Variants in ZC3H12B observed in about 807,000 individuals in gnomAD.
The protein encoded by ZC3H12B is probable ribonuclease ZC3H12B.
A neutral mutation model predicts 43.9 loss-of-function variants in ZC3H12B; 7 were observed. The ratio of observed to expected loss-of-function variants is 0.16; its 90% CI spans 0.09 to 0.30. ZC3H12B has a LOEUF of 0.30. ZC3H12B is among the 10% of genes least tolerant of loss of function. The probability of loss-of-function intolerance (pLI) is 1.00; values close to 1 mark genes in which losing one functional copy is unlikely to be tolerated. For synonymous variants in ZC3H12B, 222 were observed against 241.7 expected (o/e 0.92, Z 0.76); for missense variants, 475 against 670.2 (o/e 0.71, Z 3.22).
At chrX:65,451,741 G>A (rs1438894031) in intron 3 of ZC3H12B, among the ~76,000 whole-genome samples, 1 of 112,004 alleles carries the variant, frequency 8.9e-6, no homozygotes, top group Non-Finnish European at 1.9e-5. Context: ...CCTGGTTAGA[G>A]ATTCTGAGGG....
chrX:65,299,995 C>T, the ZC3H12B span, among the ~76,000 whole-genome samples: 7 of 112,175 alleles, frequency 6.2e-5, 1 homozygote, highest in African/African-American at 1.9e-4. Context: ...CAGGATGAGC[C>T]CTGTGGGCAC....
chrX:65,240,679 C>T, the ZC3H12B span, among the ~76,000 whole-genome samples: 1 of 112,486 alleles, frequency 8.9e-6, no homozygotes, highest in Non-Finnish European at 1.9e-5. Context: ...CATTTTCACA[C>T]TGATTCGTTT....
chrX:65,176,857 G>A, the ZC3H12B span, among the ~76,000 whole-genome samples: 2 of 111,540 alleles, frequency 1.8e-5, no homozygotes, highest in South Asian at 7.5e-4. Flanking sequence ...GGCACAAAGA[G>A]GAGCTGGTAC....
the ZC3H12B span, among the ~76,000 whole-genome samples, chrX:65,229,071 G>A: frequency 2.7e-5 from 3 of 110,098 alleles, no homozygotes; most frequent in South Asian, 3.9e-4. Flanking sequence ...AGCCCACATC[G>A]CCAAGTCAAT....
intron 4 of ZC3H12B, among the ~76,000 whole-genome samples, chrX:65,500,453 A>G (rs2068348979): frequency 8.9e-6 from 1 of 111,930 alleles, no homozygotes; most frequent in East Asian, 2.8e-4. Flanking sequence ...TTTGAGACAA[A>G]GTCTTGCTCT....
chrX:65,096,214 C>T, the ZC3H12B span, among the ~76,000 whole-genome samples: 4 of 48,545 alleles, frequency 8.2e-5, no homozygotes, highest in African/African-American at 3.6e-4. Flanking sequence ...TGGGGCCTGT[C>T]GGGAGATGGG....
chrX:65,088,038 T>C, the ZC3H12B span, among the ~76,000 whole-genome samples: 2 of 111,863 alleles, frequency 1.8e-5, no homozygotes, highest in South Asian at 7.4e-4. Flanking sequence ...TTATGGGTAA[T>C]GTTTAAAAAT....
chrX:65,368,986 G>C lies in ZC3H12B; in HGVS notation n.283G>C, dbSNP rs192106578. Reference sequence around the variant, plus strand: ...TCGATGCCAGACATTGGACATTTTTGAGGTGTTAAGAGGTGGGTACTTTAG... The same window carrying C: ...TCGATGCCAGACATTGGACATTTTTCAGGTGTTAAGAGGTGGGTACTTTAG... On this transcript the variant is annotated non_coding_transcript_exon_variant, in exon 2 of 6. The change abolishes the stop of an existing upstream ORF in the 5' untranslated region. Transcript: ENST00000617377. 1.8e-5 allele frequency: 2 copies of C among 112,008 alleles called. No homozygotes were observed. The highest frequency in any genetic ancestry group is 6.5e-5 in the African/African-American group (2 of 30,906). 9.2% of individuals were successfully genotyped at this position (112,008 alleles called of 1,213,427 possible).
the ZC3H12B span, among the ~76,000 whole-genome samples, chrX:65,161,147 C>A: frequency 2.7e-5 from 3 of 111,107 alleles, no homozygotes; most frequent in African/African-American, 3.3e-5. Flanking sequence ...AATTTCTGTT[C>A]TTTTACATTT....
At chrX:65,367,754 C>A (rs193016895) in intron 1 of ZC3H12B, among the ~76,000 whole-genome samples, 543 of 110,267 alleles carry the variant, frequency 4.9e-3, no homozygotes, top group Non-Finnish European at 7.8e-3. Context: ...CTTGACACAC[C>A]CTTAGGAGGT....
chrX:65,073,978 G>T, the ZC3H12B span, among the ~76,000 whole-genome samples: 1 of 111,871 alleles, frequency 8.9e-6, no homozygotes, highest in East Asian at 2.8e-4. Flanking sequence ...TCCCTCAGTG[G>T]CAGCTGGTTC....
intron 3 of ZC3H12B, among the ~76,000 whole-genome samples, chrX:65,429,781 G>A (rs1954166322): frequency 8.9e-6 from 1 of 112,412 alleles, no homozygotes; most frequent in African/African-American, 3.2e-5. Flanking sequence ...GAATGGATCA[G>A]GTCCTGCTTA....
the ZC3H12B span, among the ~76,000 whole-genome samples, chrX:65,116,184 C>T: frequency 9.0e-6 from 1 of 111,520 alleles, no homozygotes; most frequent in Admixed American, 9.5e-5. Flanking sequence ...AGTTTCAGGT[C>T]TTAGATTTAA....
chrX:65,430,937 G>C (rs1028019530), intron 3 of ZC3H12B, among the ~76,000 whole-genome samples: 1 of 111,124 alleles, frequency 9.0e-6, no homozygotes, highest in Admixed American at 9.5e-5. Context: ...TCAGTTGATG[G>C]TGCTGTATTC....
the ZC3H12B span, among the ~76,000 whole-genome samples, chrX:65,248,129 C>T: frequency 9.1e-6 from 1 of 110,367 alleles, no homozygotes; most frequent in Non-Finnish European, 1.9e-5. Context: ...TGCAACCTCT[C>T]GATTTCGAGC....
chrX:65,281,231 C>CTT, the ZC3H12B span, among the ~76,000 whole-genome samples: 9 of 90,348 alleles, frequency 1.0e-4, no homozygotes, highest in South Asian at 4.9e-4. Flanking sequence ...TATAGCCAAA[C>CTT]TTTTTTTTTT....
At chrX:65,196,347 G>A in the ZC3H12B span, among the ~76,000 whole-genome samples, 1 of 111,233 alleles carries the variant, frequency 9.0e-6, no homozygotes, top group African/African-American at 3.3e-5. Flanking sequence ...AGGAACTGCG[G>A]GGTCAAGTCA....
At chrX:65,176,939 G>A in the ZC3H12B span, among the ~76,000 whole-genome samples, 27 of 112,016 alleles carry the variant, frequency 2.4e-4, no homozygotes, top group Non-Finnish European at 5.6e-5. Context: ...TGAGGCCAGT[G>A]TCATCCTGAT....
intron 3 of ZC3H12B, among the ~76,000 whole-genome samples, chrX:65,453,723 T>C (rs893815500): frequency 1.8e-5 from 2 of 109,051 alleles, no homozygotes; most frequent in African/African-American, 6.7e-5. Context: ...AGTGAGACCA[T>C]GTCACACACA....
Sources: allele counts gnomAD v4.1 joint callset (sites outside exome capture counted in the v4.1 genomes callset), GRCh38; gene constraint gnomAD v4.1.1; transcripts MANE v1.5; gene names NCBI Gene and HGNC (gene_info 2026-07-23, HGNC 2026-07-21).